The following SYNE1 variants were observed in gnomAD, a reference collection of about 807,000 sequenced individuals.
SYNE1 encodes spectrin repeat containing nuclear envelope protein 1.
Under a neutral mutation model 1,111.0 loss-of-function variants are expected in SYNE1, and 616 were observed. The ratio of observed to expected loss-of-function variants is 0.55; its 90% CI spans 0.52 to 0.59. The LOEUF (loss-of-function observed/expected upper bound fraction) is 0.59. Among genes scored for constraint, SYNE1 ranks in the 20% least tolerant of loss-of-function variants. The pLI, the probability that SYNE1 is intolerant of heterozygous loss-of-function variation, is 0.00. For missense variants in SYNE1, 10,006 were observed against 10,417.0 expected, an observed-to-expected ratio of 0.96 and a Z score of 1.72; for synonymous variants, 3,855 against 3,825.8, an observed-to-expected ratio of 1.01 and a Z score of -0.28.
chr6:152,369,565 T>C lies in SYNE1; in HGVS notation c.9557A>G (p.Gln3186Arg), dbSNP rs762677463. 6.2e-7 allele frequency: 1 copy of C among 1,614,222 alleles called. No homozygotes were observed. Among genetic ancestry groups the C allele is most frequent in the Non-Finnish European group, 8.5e-7 (1 of 1,180,040 alleles). The change falls in exon 60 of 146, where the codon CAG (glutamine) becomes CGG (arginine). Residue 3186 changes from glutamine to arginine, a missense_variant. Physicochemically the swap from Gln to Arg is conservative, Grantham distance 43 (BLOSUM62 1). Around this residue, in one of 7 missense-constraint regions of SYNE1, gnomAD observed 4,955 missense variants for 5,017.2 expected, o/e 0.99. Coordinates refer to ENST00000367255, the MANE Select transcript of SYNE1 (RefSeq NM_182961.4). ...CTTCTCAGTTTTACTCAGCCAGTCCTGGATAGGCTCAGCACTTACTTCAAA... is the reference window on the plus strand; with the variant it reads ...CTTCTCAGTTTTACTCAGCCAGTCCCGGATAGGCTCAGCACTTACTTCAAA... ...KDFEVSAEPIQDWLSKTEKMV... is the reference protein window; with the variant it reads ...KDFEVSAEPIRDWLSKTEKMV...
chr6:152,397,118 T>C (rs775423624), intron 49 of SYNE1, 138 bp from the exon 50 acceptor site: 140 of 827,736 alleles, frequency 1.7e-4, no homozygotes, highest in Admixed American at 2.8e-4. Flanking sequence ...ATGCATACAA[T>C]TGGGCACAAC....
intron 3 of SYNE1, among the ~76,000 whole-genome samples, chr6:152,543,573 G>A (rs2099284799): frequency 6.6e-6 from 1 of 152,146 alleles, no homozygotes; most frequent in Admixed American, 6.6e-5. Context: ...TTTTAATGCT[G>A]TTGACAGGGA....
In SYNE1 at chr6:152,385,580, T is replaced by G. The variant is rs1020758642; in HGVS notation, c.8652+94A>C. 5 of 1,446,028 alleles carry G rather than the reference T, an allele frequency of 3.5e-6. No homozygotes were observed. The South Asian group carries it at 5.9e-5, about 17-fold the overall frequency. The allele number at this position is 1,446,028 out of a possible 1,614,324, so 89.6% of individuals were successfully genotyped here. On this transcript the variant is annotated intron_variant, in intron 55 of 145. Transcript: ENST00000367255. ...TCAAATAGAAAACAGGAAGGAAACA[T>G]TTTAAATAACAGAATCTTATCTACA...
rs566147684 is a variant in SYNE1, at chr6:152,464,656, G to A, written c.1932+602C>T. The A allele has an allele frequency of 2.5e-4, 39 of 154,030 alleles. No homozygotes were observed. In the South Asian group the frequency reaches 7.4e-3, roughly 29 times the overall value. 9.5% of individuals were successfully genotyped at this position (154,030 alleles called of 1,614,324 possible). ...TTGATTTTCCATGTAAAAATGCCAGGCTCCCATTAGGAAGTATATAAGCAG... is the reference window on the plus strand; with the variant it reads ...TTGATTTTCCATGTAAAAATGCCAGACTCCCATTAGGAAGTATATAAGCAG... On this transcript the variant is annotated intron_variant, in intron 18 of 145. Coordinates refer to ENST00000367255, the MANE Select transcript of SYNE1 (RefSeq NM_182961.4).
intron 3 of SYNE1, among the ~76,000 whole-genome samples, chr6:152,565,567 C>T (rs770399425): frequency 1.1e-4 from 16 of 151,798 alleles, no homozygotes; most frequent in Non-Finnish European, 1.8e-4. Context: ...TCTTGAAATT[C>T]TCATTTGGTA....
At chr6:152,252,196 C>A in intron 104 of SYNE1, among the ~76,000 whole-genome samples, 1 of 151,896 alleles carries the variant, frequency 6.6e-6, no homozygotes, top group East Asian at 1.9e-4. Context: ...TGTTTGAACA[C>A]GGGAGGCAGA....
chr6:152,472,772 G>C (rs1004471632), intron 14 of SYNE1: 1 of 623,692 alleles, frequency 1.6e-6, no homozygotes, highest in Non-Finnish European at 2.8e-6. Flanking sequence ...GTTTTTAAAA[G>C]CTTAAAACTG....
intron 3 of SYNE1, among the ~76,000 whole-genome samples, chr6:152,585,950 G>C (rs990853912): frequency 6.6e-6 from 1 of 152,078 alleles, no homozygotes. Flanking sequence ...TGTGTGCTGT[G>C]TGAAATACAA....
chr6:152,206,254 C>G lies in SYNE1; in HGVS notation c.22933G>C (p.Ala7645Pro). Residue 7645 changes from alanine to proline, a missense_variant, in exon 126 of 146, where the codon GCC becomes CCC. Around this residue, in one of 7 missense-constraint regions of SYNE1, gnomAD observed 2,182 missense variants for 2,287.8 expected, o/e 0.95. Coordinates refer to ENST00000367255, the MANE Select transcript of SYNE1 (RefSeq NM_182961.4). ...TTCTCTTGGATTTCAGCGAGTTCGG[C>G]CTGCAAGGCGGCCTCAGCGCCACTG... Reference protein sequence around the residue: ...ADSGAEAALQAELAEIQEKWK... With the variant: ...ADSGAEAALQPELAEIQEKWK... The G allele has an allele frequency of 6.2e-7, 1 of 1,613,908 alleles. No individual in the cohort carries two copies. The highest frequency in any genetic ancestry group is 8.5e-7 in the Non-Finnish European group (1 of 1,180,020).
chr6:152,141,405 G>A lies in SYNE1; in HGVS notation c.25120-76C>T, dbSNP rs1048159381. The A allele has an allele frequency of 2.5e-6, 4 of 1,590,514 alleles. No individual in the cohort carries two copies. In the African/African-American group the frequency reaches 4.0e-5, roughly 16 times the overall value. On this transcript the variant is annotated intron_variant, in intron 138 of 145. Transcript: ENST00000367255. ...AAAAGCTTCCGGGGAAAATCTCTTT[G>A]TAATTTCTCAGCAAGAGAAGTGTCT...
chr6:152,204,817 C>A (rs79490105), intron 126 of SYNE1, among the ~76,000 whole-genome samples: 4,486 of 152,064 alleles, frequency 0.03, 168 homozygotes, highest in South Asian at 0.081. Flanking sequence ...AACAGACAGA[C>A]AAGAAAAGCA....
chr6:152,195,493 T>C (rs2073862512), intron 127 of SYNE1, among the ~76,000 whole-genome samples: 1 of 151,678 alleles, frequency 6.6e-6, no homozygotes, highest in Non-Finnish European at 1.5e-5. Context: ...TTTTAGTCAC[T>C]GCAGTCAAAT....
chr6:152,207,455 C>T (rs754868309), intron 125 of SYNE1, among the ~76,000 whole-genome samples: 8 of 152,008 alleles, frequency 5.3e-5, no homozygotes, highest in African/African-American at 9.7e-5. Flanking sequence ...GAGAAACGAA[C>T]GAAAGAACAG....
intron 3 of SYNE1, among the ~76,000 whole-genome samples, chr6:152,553,025 C>T (rs1162167330): frequency 2.0e-5 from 3 of 152,126 alleles, no homozygotes; most frequent in Non-Finnish European, 4.4e-5. Flanking sequence ...TAATAGAAAT[C>T]TATCTTCTAT....
chr6:152,145,407 G>T, intron 137 of SYNE1: 1 of 1,356,796 alleles, frequency 7.4e-7, no homozygotes, highest in Non-Finnish European at 1.1e-6. Flanking sequence ...AAAGCTGGGA[G>T]AGAGACAGCA....
chr6:152,253,173 C>T (rs2089812595), intron 104 of SYNE1, among the ~76,000 whole-genome samples: 1 of 152,004 alleles, frequency 6.6e-6, no homozygotes, highest in Admixed American at 6.6e-5. Flanking sequence ...TAATGAAGGC[C>T]CACATTCTCC....
chr6:152,560,781 G>A (rs2099392715), intron 3 of SYNE1, among the ~76,000 whole-genome samples: 2 of 152,004 alleles, frequency 1.3e-5, no homozygotes, highest in Non-Finnish European at 2.9e-5. Context: ...TAATCAATGT[G>A]ATATACCATA....
At chr6:152,363,771 C>G (rs1338992282) in intron 63 of SYNE1, 1 of 455,512 alleles carries the variant, frequency 2.2e-6, no homozygotes, top group Non-Finnish European at 4.4e-6. Flanking sequence ...AGGGGAGCCT[C>G]ACCCTGAGGG....
rs754463042 is a variant in SYNE1, at chr6:152,318,225, T to G, written c.16428A>C (p.Leu5476Phe). 6 of 1,614,192 alleles carry G rather than the reference T, an allele frequency of 3.7e-6. No individual in the cohort carries two copies. The highest frequency in any genetic ancestry group is 5.1e-6 in the Non-Finnish European group (6 of 1,180,036). ...GEELDGCNSK[L>F]MELDAAVQKF... is the part of the protein sequence containing the mutation. ...TCTGTACTGCTGCATCTAATTCCAT[T>G]AACTTTGAATTACAGCCATCTAATT... is the stretch of plus-strand genomic sequence containing the variant. Residue 5476 changes from leucine (L) to phenylalanine (F), a missense_variant, in exon 86 of 146, where the codon TTA (leucine) becomes TTC (phenylalanine). Transcript: ENST00000367255.
Sources: allele counts gnomAD v4.1 joint callset (sites outside exome capture counted in the v4.1 genomes callset), GRCh38; gene constraint gnomAD v4.1.1; regional missense constraint gnomAD v4.1.1; transcripts MANE v1.5; gene names NCBI Gene and HGNC (gene_info 2026-07-23, HGNC 2026-07-21).